Variants in THADA observed in about 807,000 individuals in gnomAD.
THADA encodes the protein THADA armadillo repeat containing.
THADA carries 213 observed loss-of-function variants against 219.8 expected under a neutral mutation model. The ratio of observed to expected loss-of-function variants is 0.97; its 90% CI spans 0.87 to 1.09. The LOEUF is 1.09. Among genes scored for constraint, THADA ranks in the 50% least tolerant of loss-of-function variants. THADA has a pLI of 0.00. For synonymous variants in THADA, 1,018 were observed against 828.9 expected, an observed-to-expected ratio of 1.23 and a Z score of -3.92; for missense variants, 2,956 against 2,311.3, an observed-to-expected ratio of 1.28 and a Z score of -5.72.
In THADA at chr2:43,586,993, A is replaced by G; in HGVS notation, c.312T>C (p.Asn104=). 6.2e-7 allele frequency: 1 copy of G among 1,613,050 alleles called. No homozygotes were observed. The change falls in exon 5 of 38, where the codon AAT becomes AAC. Residue 104 remains asparagine, a synonymous_variant. Transcript: ENST00000405975. ...CAGGTAGAAAAAAATCAGGCAGGCTATTTAGTGAGCTAGAAAAAGAAACAA... is the reference window on the plus strand; with the variant it reads ...CAGGTAGAAAAAAATCAGGCAGGCTGTTTAGTGAGCTAGAAAAAGAAACAA... ...PLKKVLASSL[N]SLPDFFLPEA...
chr2:43,517,457 A>G (rs1691866718), intron 22 of THADA, among the ~76,000 whole-genome samples: 2 of 152,174 alleles, frequency 1.3e-5, no homozygotes, highest in African/African-American at 4.8e-5. Flanking sequence ...ATCTTTATTT[A>G]CCAAACAATA....
chr2:43,441,740 T>A (rs896701410), intron 26 of THADA, among the ~76,000 whole-genome samples: 6 of 152,234 alleles, frequency 3.9e-5, no homozygotes, highest in Non-Finnish European at 7.3e-5. Context: ...AGGTCTGTAA[T>A]CTAGCCTTAC....
intron 36 of THADA, among the ~76,000 whole-genome samples, chr2:43,237,678 C>T (rs372860873): frequency 2.6e-5 from 4 of 151,572 alleles, no homozygotes; most frequent in South Asian, 2.1e-4. Context: ...GGATTACAGG[C>T]GTGAGCCACC....
At chr2:43,233,833 C>T (rs1022442796) in intron 36 of THADA, among the ~76,000 whole-genome samples, 1 of 152,152 alleles carries the variant, frequency 6.6e-6, no homozygotes, top group African/African-American at 2.4e-5. Context: ...GGACTGAAAG[C>T]CCACTGCACA....
intron 24 of THADA, among the ~76,000 whole-genome samples, chr2:43,499,902 C>T (rs1688724303): frequency 6.6e-6 from 1 of 151,856 alleles, no homozygotes; most frequent in South Asian, 2.1e-4. Flanking sequence ...CAACAATAAA[C>T]TTGAAACACA....
chr2:43,473,497 T>A (rs1306661183), intron 26 of THADA, among the ~76,000 whole-genome samples: 1 of 152,122 alleles, frequency 6.6e-6, no homozygotes, highest in Admixed American at 6.5e-5. Context: ...ACTTTTTTTT[T>A]AATAAGTAGG....
chr2:43,300,991 C>A (rs764732438), intron 31 of THADA, among the ~76,000 whole-genome samples: 4 of 152,138 alleles, frequency 2.6e-5, no homozygotes, highest in Non-Finnish European at 5.9e-5. Flanking sequence ...AAAACCACTG[C>A]CCTCAAGTAA....
intron 26 of THADA, among the ~76,000 whole-genome samples, chr2:43,437,699 A>C (rs1172008976): frequency 6.6e-6 from 1 of 152,198 alleles, no homozygotes; most frequent in African/African-American, 2.4e-5. Context: ...TGAAGCACTG[A>C]CTGCCTTTTG....
At chr2:43,439,257 G>C (rs1236898699) in intron 26 of THADA, among the ~76,000 whole-genome samples, 2 of 151,452 alleles carry the variant, frequency 1.3e-5, no homozygotes, top group Non-Finnish European at 3.0e-5. Context: ...GATCTATAGA[G>C]AGATCTTGAG....
intron 29 of THADA, among the ~76,000 whole-genome samples, chr2:43,381,097 C>CAAAAA (rs58711910): frequency 5.5e-5 from 3 of 54,388 alleles, no homozygotes; most frequent in African/African-American, 2.5e-4. Flanking sequence ...GAGACTTTGT[C>CAAAAA]AAAAAAAAAA....
At chr2:43,512,366 C>T (rs1216191070) in intron 22 of THADA, among the ~76,000 whole-genome samples, 5 of 152,232 alleles carry the variant, frequency 3.3e-5, no homozygotes, top group Non-Finnish European at 5.9e-5. Flanking sequence ...CTGCACCTCT[C>T]CCAGGCAAGT....
At chr2:43,252,784 T>A (rs1490856934) in intron 36 of THADA, among the ~76,000 whole-genome samples, 4 of 152,156 alleles carry the variant, frequency 2.6e-5, no homozygotes, top group Non-Finnish European at 5.9e-5. Context: ...CCAAACCCAA[T>A]CTACTGTTCT....
At chr2:43,505,060 T>C (rs1048514646) in intron 24 of THADA, among the ~76,000 whole-genome samples, 2 of 152,170 alleles carry the variant, frequency 1.3e-5, no homozygotes, top group Non-Finnish European at 2.9e-5. Flanking sequence ...AGGAACTAAA[T>C]GCTAGTAAAA....
In THADA at chr2:43,446,976, C is replaced by T. The variant is rs558165461; in HGVS notation, c.3837-16674G>A. Among the ~76,000 whole-genome samples, 160 of 152,188 alleles carry T rather than the reference C, an allele frequency of 1.1e-3. 1 individual carries two copies. The South Asian group carries it at 0.017, about 17-fold the overall frequency. ...GTCAGTATTTCTTGGCTTATAGCTG[C>T]GTATTAGTCCGTTTTCATGCTGCTA... is the stretch of plus-strand genomic sequence containing the variant. On this transcript the variant is annotated intron_variant, in intron 26 of 37. Coordinates refer to ENST00000405975, the MANE Select transcript of THADA (RefSeq NM_022065.5).
intron 22 of THADA, among the ~76,000 whole-genome samples, chr2:43,520,177 G>T (rs113677048): frequency 3.9e-5 from 6 of 152,236 alleles, no homozygotes; most frequent in African/African-American, 1.4e-4. Flanking sequence ...CACAGCTATG[G>T]GGAATTCCAA....
chr2:43,435,996 A>C (rs541169300), intron 26 of THADA, among the ~76,000 whole-genome samples: 1 of 152,106 alleles, frequency 6.6e-6, no homozygotes. Context: ...ACTTAATTCT[A>C]TTTAGCCACC....
chr2:43,485,347 A>G (rs925428352), intron 25 of THADA, 22 bp from the exon 26 acceptor site: 1 of 1,544,008 alleles, frequency 6.5e-7, no homozygotes, highest in Non-Finnish European at 8.9e-7. Flanking sequence ...ACGAAAACAC[A>G]ATAAGGCTTA....
intron 4 of THADA, among the ~76,000 whole-genome samples, chr2:43,589,299 A>G (rs1318432875): frequency 6.6e-6 from 1 of 152,244 alleles, no homozygotes; most frequent in Non-Finnish European, 1.5e-5. Flanking sequence ...TTATAAGAGA[A>G]GAAAATCCTG....
At chr2:43,289,637 G>T (rs7580013) in intron 34 of THADA, among the ~76,000 whole-genome samples, 2 of 151,958 alleles carry the variant, frequency 1.3e-5, no homozygotes, top group Admixed American at 6.6e-5. Context: ...AGAACTTGGT[G>T]TTTTTTTGTT....
Sources: allele counts gnomAD v4.1 joint callset (sites outside exome capture counted in the v4.1 genomes callset), GRCh38; gene constraint gnomAD v4.1.1; transcripts MANE v1.5; gene names NCBI Gene and HGNC (gene_info 2026-07-23, HGNC 2026-07-21).